The following SPATA13 variants were observed in gnomAD, a reference collection of about 807,000 sequenced individuals.
SPATA13 encodes the protein spermatogenesis associated 13.
A neutral mutation model predicts 104.0 loss-of-function variants in SPATA13; 50 were observed. The observed-to-expected ratio is 0.48, with a 90% CI of 0.38 to 0.61. The LOEUF is 0.61. Among genes scored for constraint, SPATA13 ranks in the 20% least tolerant of loss-of-function variants. The pLI is 0.00. For missense variants in SPATA13, 1,524 were observed against 1,690.6 expected, an observed-to-expected ratio of 0.90 and a Z score of 1.73; for synonymous variants, 606 against 667.5, an observed-to-expected ratio of 0.91 and a Z score of 1.42.
chr13:24,195,417 T>C (rs984126235), intron 1 of SPATA13, among the ~76,000 whole-genome samples: 2 of 152,166 alleles, frequency 1.3e-5, no homozygotes, highest in African/African-American at 4.8e-5. Context: ...TGAACACTCA[T>C]GTACAAGTTT....
At chr13:24,292,533 G>T (rs1226961232) in intron 9 of SPATA13, among the ~76,000 whole-genome samples, 5 of 152,116 alleles carry the variant, frequency 3.3e-5, no homozygotes, top group Non-Finnish European at 7.4e-5. Context: ...CATCTCAAAG[G>T]GTCCTAATGA....
chr13:24,277,074 C>T (rs775174139), intron 4 of SPATA13, among the ~76,000 whole-genome samples: 52 of 152,060 alleles, frequency 3.4e-4, no homozygotes, highest in Non-Finnish European at 1.6e-4. Context: ...GAAGATATAC[C>T]GTAAAAGAAT....
At chr13:24,067,924 G>A (rs1318596609) in intron 3 of SPATA13, among the ~76,000 whole-genome samples, 8 of 152,242 alleles carry the variant, frequency 5.3e-5, no homozygotes, top group African/African-American at 1.9e-4. Flanking sequence ...GGTTGGTCTC[G>A]AACTCCTGAC....
chr13:24,279,865 C>T (rs75793460), intron 4 of SPATA13, among the ~76,000 whole-genome samples: 116 of 152,296 alleles, frequency 7.6e-4, no homozygotes, highest in African/African-American at 2.6e-3. Flanking sequence ...CTCTGCCCCC[C>T]ATCTCCTGGC....
At chr13:24,241,898 TA>T (rs1409293399) in intron 2 of SPATA13, among the ~76,000 whole-genome samples, 1 of 151,956 alleles carries the variant, frequency 6.6e-6, no homozygotes, top group East Asian at 1.9e-4. Flanking sequence ...ACAGAAAATT[TA>T]AAAATTAGCT....
At position 24,224,464 on chromosome 13, in the gene SPATA13, A is replaced by G; in HGVS notation, c.1535A>G (p.Glu512Gly). The change falls in exon 2 of 13, where the codon GAG becomes GGG. Residue 512 changes from glutamate (E) to glycine (G), a missense_variant. By Grantham distance (98) the Glu-to-Gly change is moderately conservative. This residue lies in a region of SPATA13 where 1,089 missense variants were observed against 1,135.9 expected (regional missense o/e 0.96). Transcript: ENST00000382108. Reference protein sequence around the residue: ...EGRAEEPAQREPGPVSLQDPL... With the variant: ...EGRAEEPAQRGPGPVSLQDPL... The stretch of plus-strand genomic sequence containing the variant: ...AGGGCAGAAGAGCCTGCTCAGAGAG[A>G]GCCAGGGCCTGTGTCCTTGCAGGAT... 1 of 1,551,498 alleles carries G rather than the reference A, an allele frequency of 6.4e-7. No homozygotes were observed. Among genetic ancestry groups the G allele is most frequent in the Non-Finnish European group, 8.7e-7 (1 of 1,146,994 alleles).
intron 3 of SPATA13, chr13:24,122,725 C>T (rs963988546): frequency 7.8e-6 from 7 of 895,504 alleles, no homozygotes; most frequent in African/African-American, 1.6e-5. Flanking sequence ...AGCATCATAT[C>T]TGTAAAGTAA....
chr13:24,068,376 T>A (rs544656617), intron 3 of SPATA13, among the ~76,000 whole-genome samples: 1 of 152,326 alleles, frequency 6.6e-6, no homozygotes, highest in African/African-American at 2.4e-5. Flanking sequence ...ATACTTTTTT[T>A]ATCCAATCTG....
chr13:24,249,799 A>G lies in SPATA13; in HGVS notation c.1976A>G (p.Tyr659Cys), dbSNP rs747736036. The G allele has an allele frequency of 8.2e-5, 133 of 1,613,196 alleles. No individual in the cohort carries two copies. The Admixed American group carries it at 1.4e-3, about 17-fold the overall frequency. The change falls in exon 3 of 13, where the codon TAT becomes TGT. Residue 659 changes from tyrosine (Y) to cysteine (C), a missense_variant. By Grantham distance (194) the Tyr-to-Cys change is radical. Coordinates refer to ENST00000382108, the MANE Select transcript of SPATA13 (RefSeq NM_001166271.3). ...TCCGTGATAGGTGGGGTCAGCTTGT[A>G]TGGGACCAACCAGACGGAGGAACTG... Reference protein sequence around the residue: ...PISVIGGVSLYGTNQTEELDN... With the variant: ...PISVIGGVSLCGTNQTEELDN...
At chr13:23,998,747 A>G (rs960162561) in intron 2 of SPATA13, among the ~76,000 whole-genome samples, 13 of 152,086 alleles carry the variant, frequency 8.5e-5, no homozygotes, top group Admixed American at 1.3e-4. Flanking sequence ...GTTAATTTTT[A>G]TATGTGGCCT....
intron 1 of SPATA13, among the ~76,000 whole-genome samples, chr13:24,171,650 C>T (rs953551290): frequency 6.6e-6 from 1 of 152,180 alleles, no homozygotes; most frequent in African/African-American, 2.4e-5. Flanking sequence ...CTGCATTTGT[C>T]CTTGTATCAG....
intron 3 of SPATA13, among the ~76,000 whole-genome samples, chr13:24,087,799 G>A (rs899227611): frequency 8.5e-5 from 13 of 152,120 alleles, no homozygotes; most frequent in Non-Finnish European, 1.6e-4. Context: ...GGTGGCCACG[G>A]GGCTCCTGCT....
At chr13:24,245,308 A>G (rs1401889390) in intron 2 of SPATA13, among the ~76,000 whole-genome samples, 1 of 152,094 alleles carries the variant, frequency 6.6e-6, no homozygotes, top group Non-Finnish European at 1.5e-5. Context: ...ATTCCATTTT[A>G]GAATATCCAT....
chr13:24,033,423 T>G (rs7337007), intron 3 of SPATA13: 1 of 152,006 alleles, frequency 6.6e-6, no homozygotes, highest in Non-Finnish European at 1.5e-5. Flanking sequence ...TCTCCTTTTC[T>G]ATTAATGACT....
In SPATA13 at chr13:24,042,808, C is replaced by G. The variant is rs116799267; in HGVS notation, c.-112+25107C>G. On this transcript the variant is annotated intron_variant, in intron 3 of 14. Transcript: ENST00000424834. ...AAGAATCTGCATCTTACCAAGCTCT[C>G]CCAGTTCATTCTAACACATGTGGTC... is the stretch of plus-strand genomic sequence containing the variant. Among the ~76,000 whole-genome samples the G allele has an allele frequency of 3.8e-3, 577 of 152,286 alleles. 5 individuals carry two copies. Among genetic ancestry groups the G allele is most frequent in the African/African-American group, 0.013 (555 of 41,560 alleles).
chr13:24,297,418 A>G lies in SPATA13; in HGVS notation c.3266A>G (p.Lys1089Arg). The G allele has an allele frequency of 6.2e-7, 1 of 1,614,032 alleles. No individual in the cohort carries two copies. The highest frequency in any genetic ancestry group is 8.5e-7 in the Non-Finnish European group (1 of 1,180,014). ...TTGATTCATTCTGGGGAGCTGACCAAAATCACTAAGCAAGGCAAAAGCCAG... is the reference window on the plus strand; with the variant it reads ...TTGATTCATTCTGGGGAGCTGACCAGAATCACTAAGCAAGGCAAAAGCCAG... Reference protein sequence around the residue: ...SELIHSGELTKITKQGKSQQR... With the variant: ...SELIHSGELTRITKQGKSQQR... The change falls in exon 11 of 13, where the codon AAA becomes AGA. Residue 1089 changes from lysine (K) to arginine (R), a missense_variant. Coordinates refer to ENST00000382108, the MANE Select transcript of SPATA13 (RefSeq NM_001166271.3).
chr13:24,006,735 C>G (rs1431481168), intron 2 of SPATA13, among the ~76,000 whole-genome samples: 1 of 152,170 alleles, frequency 6.6e-6, no homozygotes, highest in Non-Finnish European at 1.5e-5. Context: ...CATGGTGGAG[C>G]TGGGAGAGCA....
At chr13:24,163,955 G>A (rs1477968617) in intron 1 of SPATA13, among the ~76,000 whole-genome samples, 2 of 152,166 alleles carry the variant, frequency 1.3e-5, no homozygotes, top group East Asian at 3.8e-4. Flanking sequence ...AAACATTTAA[G>A]AAATGTTTGC....
intron 3 of SPATA13, among the ~76,000 whole-genome samples, chr13:24,131,891 C>T (rs1239296143): frequency 2.0e-5 from 3 of 151,998 alleles, no homozygotes; most frequent in Admixed American, 6.6e-5. Flanking sequence ...GTGGCAGACA[C>T]AGCCAACCAT....
Sources: gnomAD v4.1 joint callset for allele counts (sites outside exome capture counted in the v4.1 genomes callset) on GRCh38, gnomAD v4.1.1 for gene constraint, gnomAD v4.1.1 regional missense constraint, MANE v1.5 for transcripts, NCBI Gene and HGNC (gene_info 2026-07-23, HGNC 2026-07-21) for gene names.